SLC24A2: variants seen among roughly 807,000 people sequenced by gnomAD.
SLC24A2 encodes the protein sodium/potassium/calcium exchanger 2.
In SLC24A2, 36 loss-of-function variants were observed where a neutral mutation model predicts 62.0. That is an observed-to-expected ratio of 0.58 (90% CI 0.44 to 0.77). SLC24A2 has a LOEUF of 0.77. Among genes scored for constraint, SLC24A2 ranks in the 30% least tolerant of loss-of-function variants. SLC24A2 has a pLI of 0.00. For missense variants in SLC24A2, 846 were observed against 817.9 expected, an observed-to-expected ratio of 1.03 and a Z score of -0.42; for synonymous variants, 358 against 294.0, an observed-to-expected ratio of 1.22 and a Z score of -2.23.
At chr9:20,078,877 T>C in the SLC24A2 span, among the ~76,000 whole-genome samples, 1 of 152,238 alleles carries the variant, frequency 6.6e-6, no homozygotes, top group Admixed American at 6.5e-5. Context: ...GAATTGTATG[T>C]GCTTTCTAAT....
chr9:20,262,622 C>G, the SLC24A2 span, among the ~76,000 whole-genome samples: 1 of 152,176 alleles, frequency 6.6e-6, no homozygotes, highest in Non-Finnish European at 1.5e-5. Context: ...GCTTATTTTC[C>G]ACTTATGAAA....
the SLC24A2 span, among the ~76,000 whole-genome samples, chr9:19,969,476 A>G: frequency 6.6e-6 from 1 of 152,290 alleles, no homozygotes; most frequent in East Asian, 1.9e-4. Flanking sequence ...TTCAATATGA[A>G]AGTCCATGCT....
At chr9:19,876,818 A>G in the SLC24A2 span, among the ~76,000 whole-genome samples, 6 of 152,060 alleles carry the variant, frequency 3.9e-5, no homozygotes, top group Admixed American at 1.3e-4. Context: ...TTAGAACCAT[A>G]TTTGTGGTTC....
intron 6 of SLC24A2, 102 bp from the exon 7 acceptor site, chr9:19,573,571 T>C: frequency 3.4e-6 from 3 of 878,018 alleles, no homozygotes; most frequent in Non-Finnish European, 5.6e-6. Context: ...ATGGAATCAA[T>C]GGGGGTAAAG....
At chr9:19,993,002 T>C in the SLC24A2 span, among the ~76,000 whole-genome samples, 1 of 152,196 alleles carries the variant, frequency 6.6e-6, no homozygotes, top group Non-Finnish European at 1.5e-5. Context: ...GCCTTATTTT[T>C]TTCATTCTTA....
chr9:20,298,893 G>A, the SLC24A2 span, among the ~76,000 whole-genome samples: 2 of 152,194 alleles, frequency 1.3e-5, no homozygotes, highest in Admixed American at 6.5e-5. Context: ...GCTAGTTGGG[G>A]CAGACTGAGG....
At chr9:20,285,232 T>C in the SLC24A2 span, among the ~76,000 whole-genome samples, 2 of 152,162 alleles carry the variant, frequency 1.3e-5, no homozygotes, top group Non-Finnish European at 2.9e-5. Flanking sequence ...CATGTGGAAA[T>C]AGGGCCTTAT....
At chr9:19,993,868 G>A in the SLC24A2 span, among the ~76,000 whole-genome samples, 1 of 152,298 alleles carries the variant, frequency 6.6e-6, no homozygotes, top group Non-Finnish European at 1.5e-5. Flanking sequence ...AATCATTAAT[G>A]CCCATGGTGA....
the SLC24A2 span, among the ~76,000 whole-genome samples, chr9:19,989,932 T>C: frequency 6.6e-6 from 1 of 152,108 alleles, no homozygotes; most frequent in Non-Finnish European, 1.5e-5. Flanking sequence ...TAGAGACAGG[T>C]AAGTGCCTAG....
the SLC24A2 span, among the ~76,000 whole-genome samples, chr9:19,897,083 T>C: frequency 4.2e-3 from 641 of 152,246 alleles, 11 homozygotes; most frequent in African/African-American, 0.014. Flanking sequence ...TTCATAGTAA[T>C]TGATGAAGAA....
At chr9:19,880,388 G>A in the SLC24A2 span, among the ~76,000 whole-genome samples, 1 of 152,190 alleles carries the variant, frequency 6.6e-6, no homozygotes, top group Admixed American at 6.5e-5. Context: ...AGTGGATGAA[G>A]GGATTTAACC....
At chr9:19,801,740 G>T in the SLC24A2 span, among the ~76,000 whole-genome samples, 5 of 152,180 alleles carry the variant, frequency 3.3e-5, no homozygotes, top group African/African-American at 4.8e-5. Flanking sequence ...TGTGTTTAAA[G>T]GTGGAAGTGG....
chr9:19,691,281 G>A (rs1362914552), intron 2 of SLC24A2, among the ~76,000 whole-genome samples: 1 of 152,190 alleles, frequency 6.6e-6, no homozygotes, highest in South Asian at 2.1e-4. Flanking sequence ...ACAATGCACA[G>A]TGTAGCCACA....
intron 7 of SLC24A2, among the ~76,000 whole-genome samples, chr9:19,555,350 T>A (rs1205532192): frequency 6.6e-6 from 1 of 152,168 alleles, no homozygotes; most frequent in South Asian, 2.1e-4. Context: ...AGAAATACTA[T>A]GAGTCATGTA....
intron 9 of SLC24A2, among the ~76,000 whole-genome samples, chr9:19,522,075 C>T (rs1052976827): frequency 1.3e-5 from 2 of 152,080 alleles, no homozygotes; most frequent in Non-Finnish European, 2.9e-5. Context: ...GTGGCACAGC[C>T]ACAGCTCACT....
At chr9:19,710,376 AG>A in intron 2 of SLC24A2, among the ~76,000 whole-genome samples, 1 of 152,262 alleles carries the variant, frequency 6.6e-6, no homozygotes, top group African/African-American at 2.4e-5. Flanking sequence ...CCGGTATCAC[AG>A]GGGCAAATAA....
intron 2 of SLC24A2, among the ~76,000 whole-genome samples, chr9:19,693,937 T>TG (rs1438346868): frequency 6.6e-6 from 1 of 152,058 alleles, no homozygotes; most frequent in Non-Finnish European, 1.5e-5. Context: ...ACAGATAGGT[T>TG]GGGGGAGGAA....
the SLC24A2 span, among the ~76,000 whole-genome samples, chr9:20,130,827 G>A: frequency 6.6e-6 from 1 of 152,066 alleles, no homozygotes; most frequent in Non-Finnish European, 1.5e-5. Flanking sequence ...AGAGCTGTGT[G>A]GGAATGGTGA....
rs890587845 is a variant in SLC24A2 at position 19,511,172 on chromosome 9, C to T, written c.*4981G>A. 1.3e-5 allele frequency: 2 copies of T among 152,096 alleles called. No individual in the cohort carries two copies. The highest frequency in any genetic ancestry group is 2.9e-5 in the Non-Finnish European group (2 of 68,042). 9.4% of individuals were successfully genotyped at this position (152,096 alleles called of 1,614,324 possible). ...GCTCCTGGTGAAAAAGGAATATTGC[C>T]ATGGTGTAATCATAAGTAATAGAGT... On this transcript the variant is annotated 3_prime_UTR_variant, in exon 11 of 11. Transcript: ENST00000341998.
Sources: allele counts gnomAD v4.1 joint callset (sites outside exome capture counted in the v4.1 genomes callset), GRCh38; gene constraint gnomAD v4.1.1; transcripts MANE v1.5; gene names NCBI Gene and HGNC (gene_info 2026-07-23, HGNC 2026-07-21).